MTMR12: variants seen among roughly 807,000 people sequenced by gnomAD.
MTMR12 encodes myotubularin-related protein 12.
Under a neutral mutation model 96.7 loss-of-function variants are expected in MTMR12, and 33 were observed. The ratio of observed to expected loss-of-function variants is 0.34; its 90% CI spans 0.26 to 0.46. The LOEUF is 0.46. MTMR12 is among the 20% of genes least tolerant of loss of function. MTMR12 has a pLI of 1.00. For synonymous variants in MTMR12, 298 were observed against 327.2 expected, an observed-to-expected ratio of 0.91 and a Z score of 0.96; for missense variants, 721 against 896.1, an observed-to-expected ratio of 0.80 and a Z score of 2.49.
chr5:32,292,026 G>T (rs1750755522), intron 1 of MTMR12, among the ~76,000 whole-genome samples: 1 of 152,172 alleles, frequency 6.6e-6, no homozygotes, highest in Admixed American at 6.5e-5. Context: ...CATTGCCTCT[G>T]ACCAAGGCAC....
chr5:32,270,653 C>G (rs1333848138), intron 5 of MTMR12, among the ~76,000 whole-genome samples, 164 bp downstream of exon 5: 1 of 152,178 alleles, frequency 6.6e-6, no homozygotes. Flanking sequence ...CATGCTTTAT[C>G]AAATTACTTT....
In MTMR12 at chr5:32,228,582, T is replaced by TATATATGTGATATATATATATATATC. The variant is rs1561727105; in HGVS notation, c.*1170_*1195dup. 8.4e-6 allele frequency: 1 copy of TATATATGTGATATATATATATATATC among 119,614 alleles called. No individual in the cohort carries two copies. Among genetic ancestry groups the TATATATGTGATATATATATATATATC allele is most frequent in the East Asian group, 2.5e-4 (1 of 4,004 alleles). 7.4% of individuals were successfully genotyped at this position (119,614 alleles called of 1,614,324 possible). ...ATATATATATATCATATATATATCA[T>TATATATGTGATATATATATATATATC]ATATATGTGATATATATATATATAT... On this transcript the variant is annotated 3_prime_UTR_variant, in exon 16 of 16. Coordinates refer to ENST00000382142, the MANE Select transcript of MTMR12 (RefSeq NM_001040446.3).
chr5:32,295,876 G>A lies in MTMR12; in HGVS notation c.81+16882C>T, dbSNP rs916240567. On this transcript the variant is annotated intron_variant, in intron 1 of 15. Coordinates refer to ENST00000382142, the MANE Select transcript of MTMR12 (RefSeq NM_001040446.3). ...TCTTTGTAAAAGCTTTATTAAGGCT[G>A]GGCATGGTGGCTCATTCCTGTAATC... is the stretch of plus-strand genomic sequence containing the variant. 4.6e-5 allele frequency among the ~76,000 whole-genome samples: 7 copies of A among 152,144 alleles called. No homozygotes were observed. The East Asian group carries it at 1.2e-3, about 25-fold the overall frequency.
intron 1 of MTMR12, among the ~76,000 whole-genome samples, chr5:32,278,815 C>T (rs192059613): frequency 2.0e-5 from 3 of 152,112 alleles, no homozygotes; most frequent in East Asian, 1.9e-4. Context: ...TGGTGGCTCA[C>T]GCCTGTAATC....
intron 1 of MTMR12, among the ~76,000 whole-genome samples, chr5:32,285,374 AG>A (rs1750495403): frequency 6.9e-6 from 1 of 145,582 alleles, no homozygotes; most frequent in Non-Finnish European, 1.5e-5. Context: ...AAAAAAAAAA[AG>A]AGGGAACAGA....
chr5:32,288,588 A>C (rs1381804302), intron 1 of MTMR12, among the ~76,000 whole-genome samples: 1 of 152,234 alleles, frequency 6.6e-6, no homozygotes, highest in Non-Finnish European at 1.5e-5. Context: ...AATCTGGAGA[A>C]TAGGCATGGG....
chr5:32,243,562 C>A lies in MTMR12; in HGVS notation c.1059G>T (p.Trp353Cys). The change falls in exon 11 of 16, where the codon TGG becomes TGT. Residue 353 changes from tryptophan to cysteine, a missense_variant. Coordinates refer to ENST00000382142, the MANE Select transcript of MTMR12 (RefSeq NM_001040446.3). The stretch of plus-strand genomic sequence containing the variant: ...AGCTGCTACTTTCCAACAGAGAAAA[C>A]CATTTTATATCTGTGTCCCAAAATT... Reference protein sequence around the residue: ...STEFWDTDIKWFSLLESSSWL... With the variant: ...STEFWDTDIKCFSLLESSSWL... The A allele has an allele frequency of 1.2e-6, 2 of 1,612,184 alleles. No individual in the cohort carries two copies. The highest frequency in any genetic ancestry group is 1.7e-6 in the Non-Finnish European group (2 of 1,178,594).
intron 10 of MTMR12, 36 bp from the exon 11 acceptor site, chr5:32,243,635 T>C: frequency 3.7e-6 from 5 of 1,352,330 alleles, no homozygotes; most frequent in African/African-American, 1.4e-5. Context: ...CGTCAGGTCA[T>C]TGTTCACTGA....
chr5:32,255,618 G>A, intron 8 of MTMR12, 75 bp downstream of exon 8: 2 of 1,340,658 alleles, frequency 1.5e-6, no homozygotes, highest in South Asian at 2.8e-5. Context: ...AAAGCCAAGG[G>A]CTTTCAGTAG....
At position 32,312,166 on chromosome 5, in the gene MTMR12, G is replaced by T. The variant is rs752132391; in HGVS notation, c.81+592C>A. On this transcript the variant is annotated intron_variant, in intron 1 of 15. Coordinates refer to ENST00000382142, the MANE Select transcript of MTMR12 (RefSeq NM_001040446.3). The surrounding 1 kb of genome is among the most constrained non-coding windows in gnomAD (Gnocchi z 5.0). ...GTGGAAAGGATGATGGTGAGGGGAT[G>T]AGGAGAAAGAAGCGACAGCGGAGAA... 1.3e-5 allele frequency among the ~76,000 whole-genome samples: 2 copies of T among 152,236 alleles called. No homozygotes were observed. The highest frequency in any genetic ancestry group is 2.4e-5 in the African/African-American group (1 of 41,464).
intron 15 of MTMR12, among the ~76,000 whole-genome samples, chr5:32,231,902 T>G (rs1329758167): frequency 6.6e-6 from 1 of 152,216 alleles, no homozygotes; most frequent in African/African-American, 2.4e-5. Context: ...AAGTCACTAT[T>G]ATTGCCCCAC....
At chr5:32,247,897 G>A (rs1404517263) in intron 10 of MTMR12, 105 bp downstream of exon 10, 23 of 1,485,208 alleles carry the variant, frequency 1.5e-5, no homozygotes, top group African/African-American at 1.1e-4. Context: ...TGGGCTCTGC[G>A]TACTAACGTA....
In MTMR12 at chr5:32,230,343, T is replaced by C. The variant is rs1050743635; in HGVS notation, c.1679A>G (p.Gln560Arg). 1.4e-5 allele frequency: 23 copies of C among 1,600,158 alleles called. No homozygotes were observed. The highest frequency in any genetic ancestry group is 1.9e-5 in the Non-Finnish European group (22 of 1,174,894). Residue 560 changes from glutamine (Q) to arginine (R), a missense_variant, in exon 16 of 16, where the codon CAA (glutamine) becomes CGA (arginine). Physicochemically the swap from Gln to Arg is conservative, Grantham distance 43 (BLOSUM62 1). Transcript: ENST00000382142. ...GQRKGMRFKH[Q>R]RQLSLPLTQS... ...TGTAAGTGGCAAAGAAAGTTGTCGT[T>C]GATGCTTTGAGAGAAAACACAAATA... is the stretch of plus-strand genomic sequence containing the variant.
intron 10 of MTMR12, among the ~76,000 whole-genome samples, chr5:32,246,176 T>TTTTTTTTTTTTTTG (rs1561751765): frequency 2.7e-5 from 4 of 149,008 alleles, no homozygotes; most frequent in African/African-American, 1.0e-4. Flanking sequence ...GACAGTTTTT[T>TTTTTTTTTTTTTTG]TTTTTTTTGA....
At chr5:32,276,848 A>T in intron 1 of MTMR12, 106 bp from the exon 2 acceptor site, 3 of 464,988 alleles carry the variant, frequency 6.5e-6, no homozygotes, top group African/African-American at 2.2e-5. Context: ...TACCCTCAGG[A>T]GCTTTTCGTT....
chr5:32,230,777 T>C (rs1257992881), intron 15 of MTMR12, among the ~76,000 whole-genome samples: 1 of 152,266 alleles, frequency 6.6e-6, no homozygotes, highest in Non-Finnish European at 1.5e-5. Flanking sequence ...TTGAGAACTT[T>C]AAGGCTGTTA....
chr5:32,265,002 T>C (rs1384871504), intron 6 of MTMR12, among the ~76,000 whole-genome samples: 2 of 149,588 alleles, frequency 1.3e-5, no homozygotes, highest in African/African-American at 4.9e-5. Flanking sequence ...GGATATAAGG[T>C]AGTAACAACA....
chr5:32,230,626 T>C (rs1038074382), intron 15 of MTMR12, among the ~76,000 whole-genome samples: 15 of 152,174 alleles, frequency 9.9e-5, no homozygotes, highest in Non-Finnish European at 1.8e-4. Context: ...GAGCTTTTGG[T>C]GCCCTCCTCC....
At chr5:32,244,413 A>G (rs913992767) in intron 10 of MTMR12, among the ~76,000 whole-genome samples, 1 of 152,276 alleles carries the variant, frequency 6.6e-6, no homozygotes, top group East Asian at 1.9e-4. Flanking sequence ...AACACAGAGA[A>G]ACCCCGTCTC....
Sources: gnomAD v4.1 joint callset for allele counts (sites outside exome capture counted in the v4.1 genomes callset) on GRCh38, gnomAD v4.1.1 for gene constraint, Gnocchi (gnomAD v3.1) non-coding constraint, MANE v1.5 for transcripts, NCBI Gene and HGNC (gene_info 2026-07-23, HGNC 2026-07-21) for gene names.